KIN: variants seen among roughly 807,000 people sequenced by gnomAD.
KIN encodes the protein Kin17 DNA and RNA binding protein.
KIN carries 47 observed loss-of-function variants against 63.0 expected under a neutral mutation model. That is an observed-to-expected ratio of 0.75 (90% CI 0.59 to 0.95). The LOEUF is 0.95. Ranked by LOEUF, KIN falls within the 40% of genes least tolerant of loss-of-function variation. The pLI, the probability that KIN is intolerant of heterozygous loss-of-function variation, is 0.00. For missense variants in KIN, 408 were observed against 460.9 expected (o/e 0.89, Z 1.05); for synonymous variants, 160 against 157.7 (o/e 1.01, Z -0.11).
chr10:7,769,595 C>T (rs1024043649), intron 7 of KIN, among the ~76,000 whole-genome samples: 1 of 152,132 alleles, frequency 6.6e-6, no homozygotes, highest in African/African-American at 2.4e-5. Flanking sequence ...GTCTTTAACT[C>T]TCTGTACCTT....
chr10:7,774,007 T>C (rs1327476865), intron 7 of KIN, among the ~76,000 whole-genome samples: 2 of 152,238 alleles, frequency 1.3e-5, no homozygotes, highest in Non-Finnish European at 2.9e-5. Flanking sequence ...AAGGGCCAAA[T>C]GCCAGCTGCC....
In KIN at chr10:7,787,882, A is replaced by G. The variant is rs1294513792; in HGVS notation, c.52T>C (p.Ser18Pro). Residue 18 changes from serine to proline, a missense_variant, in exon 1 of 13, where the codon TCC becomes CCC. Around this residue, in one of 2 missense-constraint regions of KIN, gnomAD observed 110 missense variants for 164.9 expected, o/e 0.67. Transcript: ENST00000379562. ...CAGCGTAGCTTCTGCAGCCCCTTGG[A>G]CTTGATCCTGTTGGCGATAGCCTTG... is the stretch of plus-strand genomic sequence containing the variant. ...TPKAIANRIK[S>P]KGLQKLRWYC... The G allele has an allele frequency of 6.2e-7, 1 of 1,614,098 alleles. No individual in the cohort carries two copies. Among genetic ancestry groups the G allele is most frequent in the Non-Finnish European group, 8.5e-7 (1 of 1,180,018 alleles).
At chr10:7,760,052 GT>G (rs1835410017) in intron 11 of KIN, 62 bp from the exon 12 acceptor site, 5 of 791,240 alleles carry the variant, frequency 6.3e-6, no homozygotes, top group East Asian at 5.3e-5. Flanking sequence ...CTTCTAACTT[GT>G]TACAGCAAAA....
chr10:7,759,834 C>T (rs769426906), intron 12 of KIN, 56 bp downstream of exon 12: 1 of 880,966 alleles, frequency 1.1e-6, no homozygotes, highest in Non-Finnish European at 1.8e-6. Context: ...TTAAAAAAAA[C>T]TATGGCACAT....
chr10:7,760,340 A>G (rs930428187), intron 11 of KIN, among the ~76,000 whole-genome samples: 1 of 152,194 alleles, frequency 6.6e-6, no homozygotes, highest in Non-Finnish European at 1.5e-5. Flanking sequence ...AATTCATAAG[A>G]TGGTTTGGCA....
At chr10:7,765,050 T>G (rs944243496) in intron 9 of KIN, among the ~76,000 whole-genome samples, 13 of 150,708 alleles carry the variant, frequency 8.6e-5, no homozygotes, top group South Asian at 2.1e-4. Context: ...TCTCAGCTAC[T>G]AGGGAGGCTG....
intron 6 of KIN, among the ~76,000 whole-genome samples, chr10:7,775,459 C>T (rs753401347): frequency 3.3e-5 from 5 of 152,176 alleles, no homozygotes; most frequent in Admixed American, 1.3e-4. Flanking sequence ...GGAGTGTTGG[C>T]AGCTACCCTG....
rs779864646 is a variant in KIN at position 7,751,237 on chromosome 10, T to A, written c.*4843A>T. 1 of 152,240 alleles carries A rather than the reference T, an allele frequency of 6.6e-6. No homozygotes were observed. Among genetic ancestry groups the A allele is most frequent in the Non-Finnish European group, 1.5e-5 (1 of 68,044 alleles). 9.4% of individuals were successfully genotyped at this position (152,240 alleles called of 1,614,324 possible). A position where few individuals can be genotyped will look rare whatever the true frequency, so the allele number is the denominator to read the frequency against. ...AAAGTCAAATTGGTGAACTTGCACT[T>A]TAAAAAAGCTTTTTAAAGGCACATT... On this transcript the variant is annotated 3_prime_UTR_variant, in exon 13 of 13. Transcript: ENST00000379562.
chr10:7,759,061 T>C (rs1271379566), intron 12 of KIN, among the ~76,000 whole-genome samples: 1 of 152,164 alleles, frequency 6.6e-6, no homozygotes, highest in Non-Finnish European at 1.5e-5. Context: ...TTAGGGGGCC[T>C]ATAAACTCCC....
intron 7 of KIN, among the ~76,000 whole-genome samples, chr10:7,771,864 C>T (rs1835672136): frequency 6.8e-6 from 1 of 147,886 alleles, no homozygotes; most frequent in Admixed American, 6.8e-5. Flanking sequence ...CACTGCGCTC[C>T]AGCCTGGGCA....
rs1207217868 is a variant in KIN, at chr10:7,753,162, T to C, written c.*2918A>G. On this transcript the variant is annotated 3_prime_UTR_variant, in exon 13 of 13. Transcript: ENST00000379562. ...TTTGCTTAGCATAAACTCTATCAAG[T>C]TCTACAGACTCAGAGGGAAAAAACT... is the stretch of plus-strand genomic sequence containing the variant. 2 of 152,350 alleles carry C rather than the reference T, an allele frequency of 1.3e-5. No individual in the cohort carries two copies. The highest frequency in any genetic ancestry group is 4.8e-5 in the African/African-American group (2 of 41,584). 9.4% of individuals were successfully genotyped at this position (152,350 alleles called of 1,614,324 possible). A position where few individuals can be genotyped will look rare whatever the true frequency, so the allele number is the denominator to read the frequency against.
At chr10:7,757,714 G>A (rs1835359187) in intron 12 of KIN, among the ~76,000 whole-genome samples, 1 of 152,054 alleles carries the variant, frequency 6.6e-6, no homozygotes, top group South Asian at 2.1e-4. Context: ...TAAGTTCCCA[G>A]ATAAAGTATA....
rs555680711 is a variant in KIN, at chr10:7,777,821, C to T, written c.558+1017G>A. The stretch of plus-strand genomic sequence containing the variant: ...GGCTGAGACACGAGAATCGCTTGAA[C>T]CCAGGAGGCGGGGGTTGCAGTCAGC... On this transcript the variant is annotated intron_variant, in intron 5 of 12. Coordinates refer to ENST00000379562, the MANE Select transcript of KIN (RefSeq NM_012311.4). Among the ~76,000 whole-genome samples the T allele has an allele frequency of 1.7e-4, 26 of 151,780 alleles. 1 individual carries two copies. The South Asian group carries it at 5.4e-3, about 32-fold the overall frequency.
At chr10:7,768,643 G>C (rs145837449) in intron 8 of KIN, among the ~76,000 whole-genome samples, 1 of 152,290 alleles carries the variant, frequency 6.6e-6, no homozygotes, top group East Asian at 1.9e-4. Context: ...GGCCAACCAT[G>C]AAGGACTCCA....
chr10:7,766,092 T>C lies in KIN; in HGVS notation c.810A>G (p.Glu270=). The part of the protein sequence containing the change: ...ALDEIMEIEE[E]KKRTARTDYW... Reference sequence around the variant, plus strand: ...AGTCTGTTCGGGCAGTTCTTTTCTTTTCCTCTTCAATCTGTAGAACACATA... The same window carrying C: ...AGTCTGTTCGGGCAGTTCTTTTCTTCTCCTCTTCAATCTGTAGAACACATA... Residue 270 remains glutamate (E), a synonymous_variant, in exon 9 of 13, where the codon GAA becomes GAG. Transcript: ENST00000379562. 6.2e-7 allele frequency: 1 copy of C among 1,609,520 alleles called. No homozygotes were observed. Among genetic ancestry groups the C allele is most frequent in the South Asian group, 1.1e-5 (1 of 90,618 alleles).
rs543004810 is a variant in KIN at position 7,771,067 on chromosome 10, G to A, written c.669-1722C>T. Among the ~76,000 whole-genome samples the A allele has an allele frequency of 2.6e-5, 4 of 152,208 alleles. No individual in the cohort carries two copies. In the South Asian group the frequency reaches 8.3e-4, roughly 32 times the overall value. ...CCACTGAACATATATTTAAACTCTG[G>A]TTCTATTACTGAATGCATTGCCCAG... On this transcript the variant is annotated intron_variant, in intron 7 of 12. Transcript: ENST00000379562.
rs1835460772 is a variant in KIN, at chr10:7,762,708, A to G, written c.919-152T>C. ...TGACACTATTTTCTAGATTCCATAC[A>G]TGATTTCCCAGTCTATGGTTCTCAA... On this transcript the variant is annotated intron_variant, in intron 10 of 12. Coordinates refer to ENST00000379562, the MANE Select transcript of KIN (RefSeq NM_012311.4). The G allele has an allele frequency of 1.7e-5, 9 of 529,738 alleles. No homozygotes were observed. In the South Asian group the frequency reaches 2.5e-4, roughly 15 times the overall value. The allele number at this position is 529,738 out of a possible 1,614,324, so 32.8% of individuals were successfully genotyped here. A position where few individuals can be genotyped will look rare whatever the true frequency, so the allele number is the denominator to read the frequency against.
At chr10:7,777,445 C>T (rs540783642) in intron 5 of KIN, among the ~76,000 whole-genome samples, 2 of 152,148 alleles carry the variant, frequency 1.3e-5, no homozygotes, top group Admixed American at 6.5e-5. Flanking sequence ...TTTCTACACA[C>T]GTATATTTGT....
intron 11 of KIN, 47 bp downstream of exon 11, chr10:7,762,410 G>A (rs181338401): frequency 1.0e-4 from 109 of 1,061,472 alleles, no homozygotes; most frequent in East Asian, 2.5e-4. Context: ...AAATGGAACC[G>A]CTCATTTTGA....
Sources: allele counts gnomAD v4.1 joint callset (sites outside exome capture counted in the v4.1 genomes callset), GRCh38; gene constraint gnomAD v4.1.1; regional missense constraint gnomAD v4.1.1; transcripts MANE v1.5; gene names NCBI Gene and HGNC (gene_info 2026-07-23, HGNC 2026-07-21).